IGFBP7: variants seen among roughly 807,000 people sequenced by gnomAD.
The protein encoded by IGFBP7 is insulin-like growth factor-binding protein 7.
IGFBP7 carries 31 observed loss-of-function variants against 29.4 expected under a neutral mutation model. The observed-to-expected ratio is 1.05, with a 90% CI of 0.79 to 1.42. IGFBP7 has a LOEUF of 1.42. Among genes scored for constraint, IGFBP7 ranks in the 40% most tolerant of loss-of-function variants. The pLI is 0.00. For missense variants in IGFBP7, 393 were observed against 395.5 expected, an observed-to-expected ratio of 0.99 and a Z score of 0.05; for synonymous variants, 172 against 174.9, an observed-to-expected ratio of 0.98 and a Z score of 0.13.
intron 1 of IGFBP7, among the ~76,000 whole-genome samples, chr4:57,076,086 G>A (rs971589533): frequency 2.0e-5 from 3 of 152,188 alleles, no homozygotes; most frequent in Admixed American, 6.5e-5. Context: ...ATCAGGGTGC[G>A]AGCATGGTAG....
chr4:57,067,111 A>G (rs1247427970), intron 1 of IGFBP7, among the ~76,000 whole-genome samples: 3 of 152,212 alleles, frequency 2.0e-5, no homozygotes, highest in African/African-American at 7.2e-5. Context: ...ATTTGGGAAC[A>G]TTATGAGTTG....
chr4:57,081,642 C>G (rs1247801369), intron 1 of IGFBP7, among the ~76,000 whole-genome samples: 1 of 151,990 alleles, frequency 6.6e-6, no homozygotes, highest in East Asian at 1.9e-4. Flanking sequence ...AGCCCAAACA[C>G]AAGCAGAAGC....
In IGFBP7 at chr4:57,110,303, GC is replaced by G; in HGVS notation, c.48del (p.Leu17CysfsTer72). 7.0e-7 allele frequency: 1 copy of G among 1,423,486 alleles called. No individual in the cohort carries two copies. The highest frequency in any genetic ancestry group is 9.2e-7 in the Non-Finnish European group (1 of 1,088,880). 88.2% of individuals were successfully genotyped at this position (1,423,486 alleles called of 1,614,324 possible). A position where few individuals can be genotyped will look rare whatever the true frequency, so the allele number is the denominator to read the frequency against. On this transcript the variant is annotated frameshift_variant, in exon 1 of 5. Transcript: ENST00000295666. LOFTEE classifies it high-confidence loss of function. Reference protein sequence around the residue: ...LRALLLGAAGLLLLLLPLSSS... With the variant: ...LRALLLGAAGXLLLLLPLSSS... Reference sequence around the variant, plus strand: ...GAGGAGAGGGGCAGGAGCAGGAGCAGCAGCCCAGCGGCGCCGAGGAGCAGGG... The same window carrying G: ...GAGGAGAGGGGCAGGAGCAGGAGCAGAGCCCAGCGGCGCCGAGGAGCAGGG...
intron 1 of IGFBP7, among the ~76,000 whole-genome samples, chr4:57,058,624 A>G (rs1258395181): frequency 1.3e-5 from 2 of 152,212 alleles, no homozygotes; most frequent in Admixed American, 6.5e-5. Flanking sequence ...TGTAAATGTA[A>G]AACCCCAAAC....
intron 1 of IGFBP7, among the ~76,000 whole-genome samples, chr4:57,065,169 C>A (rs1429745697): frequency 2.0e-5 from 3 of 152,206 alleles, no homozygotes; most frequent in Non-Finnish European, 4.4e-5. Context: ...CCTCGGCCCA[C>A]GCCAGGAGGC....
At chr4:57,055,652 C>CCTT (rs11573093) in intron 1 of IGFBP7, among the ~76,000 whole-genome samples, 126,232 of 151,670 alleles carry the variant, frequency 0.83, 52,936 homozygotes, top group East Asian at 0.97. Flanking sequence ...TCGCGGTTCT[C>CCTT]CTGGACTGCT....
chr4:57,068,775 A>G (rs1724982313), intron 1 of IGFBP7, among the ~76,000 whole-genome samples: 1 of 152,250 alleles, frequency 6.6e-6, no homozygotes, highest in Non-Finnish European at 1.5e-5. Context: ...CGGATATACA[A>G]GGAGAAAGGG....
At chr4:57,067,328 A>AT (rs35690762) in intron 1 of IGFBP7, among the ~76,000 whole-genome samples, 7,446 of 151,754 alleles carry the variant, frequency 0.049, 262 homozygotes, top group Non-Finnish European at 0.075. Flanking sequence ...GACACAAGGG[A>AT]TTTTTTTTTG....
chr4:57,107,568 G>C (rs4242007), intron 1 of IGFBP7, among the ~76,000 whole-genome samples: 28,391 of 152,136 alleles, frequency 0.19, 3,882 homozygotes, highest in African/African-American at 0.35. Context: ...GCTGTGGAAA[G>C]TTTCTGCTGT....
chr4:57,081,073 T>G (rs768390932), intron 1 of IGFBP7, among the ~76,000 whole-genome samples: 1 of 152,204 alleles, frequency 6.6e-6, no homozygotes, highest in African/African-American at 2.4e-5. Context: ...TCTATGGAGC[T>G]TCCCCCTTTT....
intron 1 of IGFBP7, among the ~76,000 whole-genome samples, chr4:57,085,120 G>A (rs1725467179): frequency 6.6e-6 from 1 of 151,992 alleles, no homozygotes. Context: ...TTAAAGTGCA[G>A]TATTGTTTTC....
chr4:57,037,308 T>A (rs1724105387), intron 2 of IGFBP7, among the ~76,000 whole-genome samples: 1 of 151,878 alleles, frequency 6.6e-6, no homozygotes, highest in African/African-American at 2.4e-5. Context: ...GCAGAAAAAA[T>A]TGTTTCTCTC....
At chr4:57,109,137 C>T (rs2109811346) in intron 1 of IGFBP7, among the ~76,000 whole-genome samples, 1 of 152,146 alleles carries the variant, frequency 6.6e-6, no homozygotes, top group East Asian at 1.9e-4. Context: ...CTATTTTCTT[C>T]AATACTAAGA....
At position 57,077,855 on chromosome 4, in the gene IGFBP7, G is replaced by T. The variant is rs77126275; in HGVS notation, c.475+32022C>A. Among the ~76,000 whole-genome samples, 1,287 of 152,306 alleles carry T rather than the reference G, an allele frequency of 8.5e-3. 12 individuals are homozygous for T. The highest frequency in any genetic ancestry group is 0.014 in the Non-Finnish European group (966 of 68,022). ...TCAGTTTTCTCATCTACAGAATGGG[G>T]TAATAACAGCACTCAGGCCTCGTGG... On this transcript the variant is annotated intron_variant, in intron 1 of 4. Transcript: ENST00000295666.
chr4:57,101,147 A>G (rs1725887367), intron 1 of IGFBP7, among the ~76,000 whole-genome samples: 1 of 152,236 alleles, frequency 6.6e-6, no homozygotes, highest in South Asian at 2.1e-4. Flanking sequence ...TGACCTTCTC[A>G]ATAATCCTGT....
At chr4:57,031,412 A>T in intron 4 of IGFBP7, 76 bp from the exon 5 acceptor site, 1 of 1,016,078 alleles carries the variant, frequency 9.8e-7, no homozygotes, top group Non-Finnish European at 1.5e-6. Flanking sequence ...CAGGTAGTTG[A>T]GTGTTTCCAA....
chr4:57,059,432 C>A (rs1424170334), intron 1 of IGFBP7, among the ~76,000 whole-genome samples: 2 of 152,130 alleles, frequency 1.3e-5, no homozygotes, highest in South Asian at 2.1e-4. Flanking sequence ...AGAATGAGAT[C>A]ATGTCTTTTG....
At chr4:57,086,381 A>G (rs547999452) in intron 1 of IGFBP7, among the ~76,000 whole-genome samples, 105 of 152,284 alleles carry the variant, frequency 6.9e-4, no homozygotes, top group African/African-American at 2.5e-3. Context: ...AGTTCACGGG[A>G]CCCAGGCTAC....
intron 1 of IGFBP7, among the ~76,000 whole-genome samples, chr4:57,100,624 C>A (rs1462762769): frequency 6.6e-6 from 1 of 152,186 alleles, no homozygotes; most frequent in African/African-American, 2.4e-5. Context: ...TATCATATAA[C>A]CCCCTTGCTC....
Sources: allele counts gnomAD v4.1 joint callset (sites outside exome capture counted in the v4.1 genomes callset), GRCh38; gene constraint gnomAD v4.1.1; transcripts MANE v1.5; gene names NCBI Gene and HGNC (gene_info 2026-07-23, HGNC 2026-07-21).